Variants in RANBP17 observed in about 807,000 individuals in gnomAD.
RANBP17 encodes the protein RAN binding protein 17.
In RANBP17, 158 loss-of-function variants were observed where a neutral mutation model predicts 141.2. That is an observed-to-expected ratio of 1.12 (90% CI 0.98 to 1.28). The LOEUF is 1.28. Among genes scored for constraint, RANBP17 ranks in the 50% most tolerant of loss-of-function variants. RANBP17 has a pLI of 0.00. For missense variants in RANBP17, 1,438 were observed against 1,290.7 expected (o/e 1.11, Z -1.75); for synonymous variants, 430 against 450.0 (o/e 0.96, Z 0.56).
intron 14 of RANBP17, among the ~76,000 whole-genome samples, chr5:171,169,200 G>A (rs1759928334): frequency 6.6e-6 from 1 of 152,148 alleles, no homozygotes; most frequent in Non-Finnish European, 1.5e-5. Context: ...AAAAGACAGA[G>A]GGAATAGAAG....
At chr5:171,083,203 GA>G (rs1239337079) in intron 14 of RANBP17, among the ~76,000 whole-genome samples, 2 of 152,090 alleles carry the variant, frequency 1.3e-5, no homozygotes. Context: ...TTCATATGTT[GA>G]AATCTAATCC....
At chr5:171,093,168 C>G (rs979973629) in intron 14 of RANBP17, among the ~76,000 whole-genome samples, 4 of 151,658 alleles carry the variant, frequency 2.6e-5, no homozygotes, top group Non-Finnish European at 4.4e-5. Flanking sequence ...CAGGATCACA[C>G]CGTTGCACTC....
Position 171,213,614 on chromosome 5 carries a change from A to AC in RANBP17, c.2232-17_2232-16insC, listed in dbSNP as rs1360422759. On this transcript the variant is annotated splice_polypyrimidine_tract_variant and intron_variant, in intron 20 of 27. Coordinates refer to ENST00000523189, the MANE Select transcript of RANBP17 (RefSeq NM_022897.5). Reference sequence around the variant, plus strand: ...ATTTCTTTAGACCCTTAAATTCTTTAACAGGCTTTATAAAAGGTACCCAAC... The same window carrying AC: ...ATTTCTTTAGACCCTTAAATTCTTTACACAGGCTTTATAAAAGGTACCCAAC... The AC allele has an allele frequency of 6.3e-7, 1 of 1,580,462 alleles. No homozygotes were observed. The highest frequency in any genetic ancestry group is 2.2e-5 in the East Asian group (1 of 44,710).
chr5:170,969,906 G>A (rs111826896), intron 14 of RANBP17, among the ~76,000 whole-genome samples: 35 of 152,060 alleles, frequency 2.3e-4, no homozygotes, highest in African/African-American at 8.4e-4. Context: ...AAGGAAGTTA[G>A]TCCTAAGGTG....
chr5:171,142,006 G>T (rs2127812005), intron 14 of RANBP17, among the ~76,000 whole-genome samples: 1 of 152,154 alleles, frequency 6.6e-6, no homozygotes, highest in Middle Eastern at 3.4e-3. Flanking sequence ...TCAAGACTAA[G>T]AAATTCAAAC....
intron 14 of RANBP17, among the ~76,000 whole-genome samples, chr5:171,165,799 G>C (rs1384604968): frequency 6.6e-6 from 1 of 152,146 alleles, no homozygotes; most frequent in Non-Finnish European, 1.5e-5. Context: ...CCCGTAACAG[G>C]CTGGCAAGGT....
intron 12 of RANBP17, among the ~76,000 whole-genome samples, chr5:170,926,606 T>C (rs557551707): frequency 1.2e-4 from 19 of 152,298 alleles, no homozygotes; most frequent in Non-Finnish European, 2.2e-4. Flanking sequence ...CTGCTGCATA[T>C]CATTTTAGTG....
chr5:171,002,954 A>C (rs1432017961), intron 14 of RANBP17, among the ~76,000 whole-genome samples: 1 of 152,196 alleles, frequency 6.6e-6, no homozygotes, highest in African/African-American at 2.4e-5. Context: ...GAGTGAGTAC[A>C]ACTGAAGGAG....
chr5:170,912,964 A>G (rs1771651956), intron 7 of RANBP17, among the ~76,000 whole-genome samples: 1 of 151,958 alleles, frequency 6.6e-6, no homozygotes, highest in Non-Finnish European at 1.5e-5. Flanking sequence ...AACTTACCAG[A>G]AAGAAAAAAG....
intron 13 of RANBP17, among the ~76,000 whole-genome samples, chr5:170,967,764 T>TA (rs1776688100): frequency 6.6e-6 from 1 of 151,760 alleles, no homozygotes; most frequent in Non-Finnish European, 1.5e-5. Flanking sequence ...TAACTTTTGT[T>TA]AGATGTACCT....
At chr5:171,180,672 T>C (rs1242883666) in intron 16 of RANBP17, among the ~76,000 whole-genome samples, 1 of 152,246 alleles carries the variant, frequency 6.6e-6, no homozygotes, top group Non-Finnish European at 1.5e-5. Context: ...GAATTGGATT[T>C]CTATAAGATA....
chr5:170,902,586 G>A (rs1039091311), intron 5 of RANBP17, among the ~76,000 whole-genome samples: 19 of 152,148 alleles, frequency 1.2e-4, no homozygotes, highest in Admixed American at 7.2e-4. Flanking sequence ...TGATCCTTTG[G>A]AGGAGAACAG....
intron 3 of RANBP17, among the ~76,000 whole-genome samples, chr5:170,882,381 A>G (rs1397069806): frequency 7.2e-5 from 11 of 152,184 alleles, no homozygotes; most frequent in Admixed American, 6.6e-4. Context: ...TGCCCGGCCA[A>G]AAAAGCATTT....
At chr5:171,009,040 A>G (rs1451383809) in intron 14 of RANBP17, among the ~76,000 whole-genome samples, 3 of 152,200 alleles carry the variant, frequency 2.0e-5, no homozygotes, top group Non-Finnish European at 2.9e-5. Flanking sequence ...TTTCAATGCC[A>G]TGGCTTGGGC....
chr5:170,898,212 T>C (rs1348479686), intron 5 of RANBP17, among the ~76,000 whole-genome samples: 12 of 152,192 alleles, frequency 7.9e-5, no homozygotes, highest in Admixed American at 7.9e-4. Context: ...TTTAACATTA[T>C]GTAATGCCCT....
At chr5:170,984,671 A>G (rs903395848) in intron 14 of RANBP17, among the ~76,000 whole-genome samples, 1 of 152,106 alleles carries the variant, frequency 6.6e-6, no homozygotes, top group Non-Finnish European at 1.5e-5. Flanking sequence ...TTAAATACAT[A>G]TGTAAATGAT....
chr5:171,164,427 T>C (rs996666120), intron 14 of RANBP17, among the ~76,000 whole-genome samples: 11 of 152,334 alleles, frequency 7.2e-5, no homozygotes, highest in African/African-American at 1.9e-4. Flanking sequence ...CGCATCTGTT[T>C]TTCTTACCTA....
chr5:171,001,234 G>T (rs552302131), intron 14 of RANBP17, among the ~76,000 whole-genome samples: 1 of 152,100 alleles, frequency 6.6e-6, no homozygotes. Flanking sequence ...GGGTGATATT[G>T]TGGGGTTGTT....
chr5:170,869,638 A>G (rs1198432032), intron 1 of RANBP17, among the ~76,000 whole-genome samples: 1 of 151,980 alleles, frequency 6.6e-6, no homozygotes, highest in Non-Finnish European at 1.5e-5. Flanking sequence ...CTACATCTTC[A>G]TATGGTCTTC....
Sources: allele counts gnomAD v4.1 joint callset (sites outside exome capture counted in the v4.1 genomes callset), GRCh38; gene constraint gnomAD v4.1.1; transcripts MANE v1.5; gene names NCBI Gene and HGNC (gene_info 2026-07-23, HGNC 2026-07-21).